Variants in LRRC4C observed in about 807,000 individuals in gnomAD.
LRRC4C encodes the protein leucine rich repeat containing 4C, also known as leucine-rich repeat-containing protein 4C.
A neutral mutation model predicts 33.6 loss-of-function variants in LRRC4C; 5 were observed. That is an observed-to-expected ratio of 0.15 (90% CI 0.08 to 0.31). The LOEUF (loss-of-function observed/expected upper bound fraction) is 0.31. Ranked by LOEUF, LRRC4C falls within the 10% of genes least tolerant of loss-of-function variation. LRRC4C has a pLI of 1.00. For missense variants in LRRC4C, 560 were observed against 796.7 expected (o/e 0.70, Z 3.58); for synonymous variants, 329 against 302.0 (o/e 1.09, Z -0.93).
chr11:41,043,529 G>C (rs1857576323), intron 1 of LRRC4C, among the ~76,000 whole-genome samples: 1 of 151,902 alleles, frequency 6.6e-6, no homozygotes, highest in Admixed American at 6.6e-5. Context: ...AATGATATCT[G>C]ATATTTCAGT....
At chr11:40,835,981 T>C (rs968475495) in intron 2 of LRRC4C, among the ~76,000 whole-genome samples, 1 of 152,192 alleles carries the variant, frequency 6.6e-6, no homozygotes, top group African/African-American at 2.4e-5. Flanking sequence ...ATACTTCATA[T>C]TTATAGCATT....
intron 3 of LRRC4C, among the ~76,000 whole-genome samples, chr11:40,336,068 G>A (rs1946583742): frequency 6.6e-6 from 1 of 152,134 alleles, no homozygotes; most frequent in Non-Finnish European, 1.5e-5. Flanking sequence ...TATTTTTTAA[G>A]TTCAATATAG....
intron 5 of LRRC4C, among the ~76,000 whole-genome samples, chr11:40,203,227 A>T (rs910906429): frequency 2.6e-4 from 39 of 152,164 alleles, no homozygotes; most frequent in African/African-American, 9.4e-4. Flanking sequence ...CTGAAATGAT[A>T]TGGATAGGCC....
chr11:40,708,663 G>T (rs576097913), intron 2 of LRRC4C, among the ~76,000 whole-genome samples: 1 of 152,322 alleles, frequency 6.6e-6, no homozygotes. Context: ...CAAGTGCAAT[G>T]TGGTGCTGAG....
Position 40,693,951 on chromosome 11 carries a change from A to G in LRRC4C, c.-406-45673T>C, listed in dbSNP as rs115334290. The stretch of plus-strand genomic sequence containing the variant: ...CCAACATTGCAATTCCACACACTTT[A>G]TGCTGCATCCTGATTTGCCCTGCGG... On this transcript the variant is annotated intron_variant, in intron 2 of 6. Coordinates refer to ENST00000528697, the MANE Select transcript of LRRC4C (RefSeq NM_001258419.2). Among the ~76,000 whole-genome samples, 786 of 152,220 alleles carry G rather than the reference A, an allele frequency of 5.2e-3. 8 individuals carry two copies. The highest frequency in any genetic ancestry group is 0.018 in the African/African-American group (763 of 41,548).
At chr11:40,276,039 G>A (rs1943077060) in intron 4 of LRRC4C, among the ~76,000 whole-genome samples, 1 of 152,164 alleles carries the variant, frequency 6.6e-6, no homozygotes, top group South Asian at 2.1e-4. Flanking sequence ...TGAGAGAGAG[G>A]AGGAGCTGAG....
intron 4 of LRRC4C, among the ~76,000 whole-genome samples, chr11:40,317,176 G>A (rs1359244907): frequency 2.0e-5 from 3 of 146,928 alleles, no homozygotes. Context: ...TCCTAAATTA[G>A]GGTATTTTGT....
chr11:41,214,139 A>G (rs999017681), intron 1 of LRRC4C, among the ~76,000 whole-genome samples: 3 of 152,178 alleles, frequency 2.0e-5, no homozygotes, highest in Non-Finnish European at 4.4e-5. Context: ...TCTGTTTTCA[A>G]TCAGAAAAAT....
intron 1 of LRRC4C, among the ~76,000 whole-genome samples, chr11:41,420,475 A>T (rs1053706779): frequency 6.6e-6 from 1 of 152,076 alleles, no homozygotes; most frequent in African/African-American, 2.4e-5. Flanking sequence ...AATGATTTTT[A>T]AAATGGCTTT....
At chr11:40,926,589 G>A (rs2136417570) in intron 2 of LRRC4C, among the ~76,000 whole-genome samples, 1 of 152,218 alleles carries the variant, frequency 6.6e-6, no homozygotes, top group South Asian at 2.1e-4. Context: ...AAATGAATCT[G>A]CTAAAATAGA....
intron 2 of LRRC4C, among the ~76,000 whole-genome samples, chr11:40,869,799 C>A (rs1390831112): frequency 6.6e-6 from 1 of 152,186 alleles, no homozygotes; most frequent in African/African-American, 2.4e-5. Flanking sequence ...GCACACTTGT[C>A]TTTCAAGTTG....
intron 4 of LRRC4C, among the ~76,000 whole-genome samples, chr11:40,248,031 G>A (rs766483350): frequency 1.1e-4 from 16 of 152,096 alleles, no homozygotes; most frequent in Non-Finnish European, 1.9e-4. Flanking sequence ...ATCGTGAATC[G>A]AGGTATACCA....
At chr11:40,760,462 T>C (rs959441436) in intron 2 of LRRC4C, among the ~76,000 whole-genome samples, 1 of 151,642 alleles carries the variant, frequency 6.6e-6, no homozygotes, top group African/African-American at 2.4e-5. Context: ...AAACTACTCA[T>C]TTATTCCAGA....
At chr11:40,441,527 A>G (rs1951395659) in intron 3 of LRRC4C, among the ~76,000 whole-genome samples, 1 of 152,192 alleles carries the variant, frequency 6.6e-6, no homozygotes, top group African/African-American at 2.4e-5. Context: ...TACCATTTGC[A>G]ACTCAAAGAG....
At chr11:41,371,946 T>C (rs1952763247) in intron 1 of LRRC4C, among the ~76,000 whole-genome samples, 1 of 152,156 alleles carries the variant, frequency 6.6e-6, no homozygotes, top group African/African-American at 2.4e-5. Context: ...CCATCCTGGC[T>C]AACATGGTGA....
chr11:40,254,499 T>C (rs541040247), intron 4 of LRRC4C, among the ~76,000 whole-genome samples: 1 of 152,330 alleles, frequency 6.6e-6, no homozygotes, highest in Non-Finnish European at 1.5e-5. Context: ...CACAGATCAA[T>C]GTTTCCAATT....
At chr11:40,910,365 T>C (rs925163736) in intron 2 of LRRC4C, among the ~76,000 whole-genome samples, 2 of 152,062 alleles carry the variant, frequency 1.3e-5, no homozygotes, top group African/African-American at 2.4e-5. Context: ...GACACATAGA[T>C]GAAAAAAACC....
chr11:41,334,786 A>G (rs984641417), intron 1 of LRRC4C, among the ~76,000 whole-genome samples: 2 of 152,076 alleles, frequency 1.3e-5, no homozygotes, highest in African/African-American at 4.8e-5. Context: ...AGGAGTTTGA[A>G]GGTGCAGTGA....
At chr11:41,295,145 T>C (rs1950102230) in intron 1 of LRRC4C, among the ~76,000 whole-genome samples, 1 of 152,162 alleles carries the variant, frequency 6.6e-6, no homozygotes, top group African/African-American at 2.4e-5. Flanking sequence ...TATCCTAAAA[T>C]AGTGGAAAAT....
Sources: allele counts gnomAD v4.1 joint callset (sites outside exome capture counted in the v4.1 genomes callset), GRCh38; gene constraint gnomAD v4.1.1; transcripts MANE v1.5; gene names NCBI Gene and HGNC (gene_info 2026-07-23, HGNC 2026-07-21).